The following FOXN3 variants were observed in gnomAD, a reference collection of about 807,000 sequenced individuals.
FOXN3 encodes forkhead box protein N3.
FOXN3 carries 7 observed loss-of-function variants against 38.4 expected under a neutral mutation model. That is an observed-to-expected ratio of 0.18 (90% CI 0.10 to 0.34). FOXN3 has a LOEUF of 0.34. FOXN3 is among the 10% of genes least tolerant of loss of function. The pLI, the probability that FOXN3 is intolerant of heterozygous loss-of-function variation, is 1.00. For synonymous variants in FOXN3, 230 were observed against 242.2 expected (o/e 0.95, Z 0.47); for missense variants, 456 against 613.4 (o/e 0.74, Z 2.71).
rs1158355778 is a variant in FOXN3, at chr14:89,564,363, G to A, written c.-15+54665C>T. Among the ~76,000 whole-genome samples, 9 of 152,064 alleles carry A rather than the reference G, an allele frequency of 5.9e-5. No individual in the cohort carries two copies. The South Asian group carries it at 6.2e-4, about 11-fold the overall frequency. On this transcript the variant is annotated intron_variant, in intron 1 of 6. Coordinates refer to the FOXN3 transcript ENST00000345097. Reference sequence around the variant, plus strand: ...AGAGAATCTCTACAAATAAATGTCCGCAACTCAAATCTCGTCTCTGAATTC... The same window carrying A: ...AGAGAATCTCTACAAATAAATGTCCACAACTCAAATCTCGTCTCTGAATTC...
chr14:89,506,831 AC>A (rs1214860335), intron 1 of FOXN3, among the ~76,000 whole-genome samples: 1 of 152,196 alleles, frequency 6.6e-6, no homozygotes, highest in Non-Finnish European at 1.5e-5. Context: ...CTTACCCACA[AC>A]CCTGTGCTCA....
At chr14:89,555,882 G>GGGGGGGGGGTGT (rs1895112250) in intron 1 of FOXN3, among the ~76,000 whole-genome samples, 1 of 104,600 alleles carries the variant, frequency 9.6e-6, no homozygotes, top group Admixed American at 1.1e-4. Flanking sequence ...TGTGTATGTG[G>GGGGGGGGGGTGT]GGGTGTATGT....
At chr14:89,482,532 T>G (rs57134654) in intron 1 of FOXN3, among the ~76,000 whole-genome samples, 2,324 of 152,236 alleles carry the variant, frequency 0.015, 78 homozygotes, top group African/African-American at 0.053. Context: ...GAGGATCCCT[T>G]GAGCCCAGGA....
At chr14:89,363,966 A>ATATATATAT (rs1890021317) in intron 2 of FOXN3, among the ~76,000 whole-genome samples, 2 of 46,210 alleles carry the variant, frequency 4.3e-5, no homozygotes, top group African/African-American at 1.9e-4. Context: ...ATATATATAT[A>ATATATATAT]TATATATATA....
At chr14:89,334,536 G>A (rs1888381841) in intron 3 of FOXN3, among the ~76,000 whole-genome samples, 1 of 151,506 alleles carries the variant, frequency 6.6e-6, no homozygotes, top group Non-Finnish European at 1.5e-5. Flanking sequence ...CTTGAACCTG[G>A]GAGGTGGAGA....
chr14:89,565,107 A>AG (rs1197523138), intron 1 of FOXN3, among the ~76,000 whole-genome samples: 1 of 150,956 alleles, frequency 6.6e-6, no homozygotes, highest in Non-Finnish European at 1.5e-5. Flanking sequence ...AAAAAAAAAA[A>AG]AAAAAAAAAA....
chr14:89,610,614 T>C (rs1021613490), intron 1 of FOXN3, among the ~76,000 whole-genome samples: 1 of 151,800 alleles, frequency 6.6e-6, no homozygotes, highest in African/African-American at 2.4e-5. Context: ...CTCATGAGGG[T>C]GGCACTTCAG....
In FOXN3 at chr14:89,562,673, G is replaced by A. The variant is rs76457209; in HGVS notation, c.-15+56355C>T. On this transcript the variant is annotated intron_variant, in intron 1 of 6. Transcript: ENST00000345097. ...CTGGCCTCATGTAGACCTTCAAAGG[G>A]TTATTACAAGGACATCACACAAACC... 5.3e-3 allele frequency among the ~76,000 whole-genome samples: 802 copies of A among 152,274 alleles called. 2 individuals are homozygous for A. Among genetic ancestry groups the A allele is most frequent in the Non-Finnish European group, 8.0e-3 (541 of 68,028 alleles).
At chr14:89,613,274 G>A (rs1192145023) in intron 1 of FOXN3, among the ~76,000 whole-genome samples, 1 of 152,144 alleles carries the variant, frequency 6.6e-6, no homozygotes. Context: ...CACATTTGGA[G>A]AAGCCACCTG....
intron 2 of FOXN3, among the ~76,000 whole-genome samples, chr14:89,392,035 C>G (rs1430766600): frequency 6.6e-6 from 1 of 152,160 alleles, no homozygotes; most frequent in African/African-American, 2.4e-5. Context: ...TCCCTTCATT[C>G]CCCATCAAAA....
intron 1 of FOXN3, among the ~76,000 whole-genome samples, chr14:89,588,276 C>T (rs1390117362): frequency 1.3e-5 from 2 of 152,080 alleles, no homozygotes; most frequent in Non-Finnish European, 2.9e-5. Flanking sequence ...ACGCCAGCAT[C>T]ATGCTTCCTG....
chr14:89,453,075 T>G (rs1892646498), intron 1 of FOXN3, among the ~76,000 whole-genome samples: 1 of 151,992 alleles, frequency 6.6e-6, no homozygotes, highest in Non-Finnish European at 1.5e-5. Context: ...GGCACATACC[T>G]GTAATCCCAG....
At chr14:89,489,192 C>A (rs536629091) in intron 1 of FOXN3, among the ~76,000 whole-genome samples, 3 of 152,286 alleles carry the variant, frequency 2.0e-5, no homozygotes, top group African/African-American at 7.2e-5. Context: ...ACCCCCTGAA[C>A]CTCAGTTTTT....
At chr14:89,201,614 C>G (rs763990690) in intron 4 of FOXN3, among the ~76,000 whole-genome samples, 12 of 152,290 alleles carry the variant, frequency 7.9e-5, no homozygotes, top group Non-Finnish European at 1.3e-4. Flanking sequence ...CCCTTGAGAC[C>G]ACAGCCAAAG....
chr14:89,406,977 C>T (rs928989407), intron 2 of FOXN3, among the ~76,000 whole-genome samples: 54 of 138,636 alleles, frequency 3.9e-4, no homozygotes, highest in Non-Finnish European at 7.8e-4. Context: ...GATTTAGGCA[C>T]AGATCATCCA....
At chr14:89,199,226 G>A (rs764114629) in intron 4 of FOXN3, among the ~76,000 whole-genome samples, 4 of 152,176 alleles carry the variant, frequency 2.6e-5, no homozygotes. Flanking sequence ...ATTCACTGTG[G>A]ACATGAACTG....
At chr14:89,373,596 A>G (rs1890387452) in intron 2 of FOXN3, among the ~76,000 whole-genome samples, 1 of 152,210 alleles carries the variant, frequency 6.6e-6, no homozygotes, top group Non-Finnish European at 1.5e-5. Context: ...ACTAATGTCT[A>G]TGCCCTCTAA....
chr14:89,237,621 T>C (rs567394392), intron 4 of FOXN3, among the ~76,000 whole-genome samples: 1 of 152,360 alleles, frequency 6.6e-6, no homozygotes, highest in South Asian at 2.1e-4. Context: ...AGGCTCTGCC[T>C]GTATCATTTC....
intron 3 of FOXN3, among the ~76,000 whole-genome samples, chr14:89,289,036 G>C (rs988833045): frequency 1.3e-5 from 2 of 151,436 alleles, no homozygotes; most frequent in Non-Finnish European, 2.9e-5. Flanking sequence ...ACAAAAATTT[G>C]TTGGGCATGG....
Sources: gnomAD v4.1 joint callset for allele counts (sites outside exome capture counted in the v4.1 genomes callset) on GRCh38, gnomAD v4.1.1 for gene constraint, MANE v1.5 for transcripts, NCBI Gene and HGNC (gene_info 2026-07-23, HGNC 2026-07-21) for gene names.